The following CSMD1 variants were observed in gnomAD, a reference collection of about 807,000 sequenced individuals.
The protein encoded by CSMD1 is CUB and Sushi multiple domains 1, also known as CUB and sushi domain-containing protein 1.
Under a neutral mutation model 417.5 loss-of-function variants are expected in CSMD1, and 213 were observed. The ratio of observed to expected loss-of-function variants is 0.51; its 90% CI spans 0.46 to 0.57. The LOEUF (loss-of-function observed/expected upper bound fraction) is 0.57, where lower values mean the gene tolerates loss of function less well. Among genes scored for constraint, CSMD1 ranks in the 20% least tolerant of loss-of-function variants. CSMD1 has a pLI of 0.00. For missense variants in CSMD1, 6,923 were observed against 4,529.7 expected (o/e 1.53, Z -15.17); for synonymous variants, 2,862 against 1,736.8 (o/e 1.65, Z -16.11).
chr8:4,619,755 T>G (rs1001595846), intron 2 of CSMD1, among the ~76,000 whole-genome samples: 2 of 152,148 alleles, frequency 1.3e-5, no homozygotes, highest in African/African-American at 2.4e-5. Context: ...GAGGAAGAAC[T>G]TGGAAAACCA....
intron 10 of CSMD1, among the ~76,000 whole-genome samples, chr8:3,540,080 G>A (rs536677441): frequency 2.6e-5 from 4 of 152,172 alleles, no homozygotes; most frequent in African/African-American, 7.2e-5. Context: ...TCATAAATAG[G>A]CTTCTCTGTG....
intron 3 of CSMD1, among the ~76,000 whole-genome samples, chr8:4,351,501 G>A (rs1034032304): frequency 5.3e-5 from 8 of 152,212 alleles, no homozygotes; most frequent in Non-Finnish European, 1.2e-4. Context: ...AGATTAGGAA[G>A]AAAATTGACA....
At chr8:4,328,566 A>T (rs1454159467) in intron 3 of CSMD1, among the ~76,000 whole-genome samples, 1 of 152,104 alleles carries the variant, frequency 6.6e-6, no homozygotes, top group Non-Finnish European at 1.5e-5. Context: ...TACCCACAAC[A>T]ATTTAAAAAA....
At chr8:3,897,259 T>G (rs776270648) in intron 5 of CSMD1, among the ~76,000 whole-genome samples, 2 of 152,186 alleles carry the variant, frequency 1.3e-5, no homozygotes, top group Non-Finnish European at 2.9e-5. Context: ...ACAACGGTCA[T>G]AGTGTGACTA....
chr8:3,543,454 T>G (rs1798528278), intron 10 of CSMD1, among the ~76,000 whole-genome samples: 1 of 152,096 alleles, frequency 6.6e-6, no homozygotes, highest in South Asian at 2.1e-4. Context: ...TAGGAGAGAT[T>G]TGCAATAATC....
intron 3 of CSMD1, among the ~76,000 whole-genome samples, chr8:4,038,556 G>C (rs183580854): frequency 6.6e-6 from 1 of 152,140 alleles, no homozygotes; most frequent in Non-Finnish European, 1.5e-5. Context: ...TTTGCCTGAA[G>C]ATTATGCATG....
intron 5 of CSMD1, among the ~76,000 whole-genome samples, chr8:3,974,995 G>C (rs1045472612): frequency 1.3e-5 from 2 of 152,134 alleles, no homozygotes; most frequent in Non-Finnish European, 2.9e-5. Flanking sequence ...GAATGCTTGA[G>C]TTCTTTGCAG....
At chr8:4,181,406 C>G (rs1403329222) in intron 3 of CSMD1, among the ~76,000 whole-genome samples, 4 of 151,358 alleles carry the variant, frequency 2.6e-5, no homozygotes, top group Non-Finnish European at 2.9e-5. Flanking sequence ...GCAGGGTTCT[C>G]CAATCTTTTG....
chr8:4,576,938 G>C (rs1358556872), intron 2 of CSMD1, among the ~76,000 whole-genome samples: 10 of 152,112 alleles, frequency 6.6e-5, no homozygotes, highest in African/African-American at 2.4e-4. Context: ...TACTTATGTA[G>C]AAATCCTCCA....
At chr8:3,945,773 G>A (rs371110067) in intron 5 of CSMD1, among the ~76,000 whole-genome samples, 26 of 152,212 alleles carry the variant, frequency 1.7e-4, no homozygotes, top group African/African-American at 6.0e-4. Flanking sequence ...CTGGAGATAT[G>A]AAAGTAGATG....
chr8:3,611,856 G>A (rs772775713), intron 8 of CSMD1, among the ~76,000 whole-genome samples: 8 of 151,990 alleles, frequency 5.3e-5, no homozygotes, highest in Non-Finnish European at 1.2e-4. Context: ...TAGGACAGAA[G>A]TTCAGCCAAT....
intron 8 of CSMD1, among the ~76,000 whole-genome samples, chr8:3,614,248 C>G (rs532761109): frequency 1.7e-4 from 26 of 152,150 alleles, no homozygotes; most frequent in African/African-American, 5.8e-4. Context: ...AGGAAAGTGA[C>G]AGATTGAAAT....
At chr8:3,333,237 C>T (rs374443812) in intron 23 of CSMD1, among the ~76,000 whole-genome samples, 2 of 152,106 alleles carry the variant, frequency 1.3e-5, no homozygotes, top group Admixed American at 1.3e-4. Context: ...GAGAGAAGAC[C>T]CAGCCAAGCC....
chr8:4,766,104 A>T (rs1217775213), intron 1 of CSMD1, among the ~76,000 whole-genome samples: 1 of 152,198 alleles, frequency 6.6e-6, no homozygotes, highest in Non-Finnish European at 1.5e-5. Context: ...TACATTAATA[A>T]TATTTTACAG....
intron 3 of CSMD1, among the ~76,000 whole-genome samples, chr8:4,173,286 T>C (rs936461185): frequency 6.6e-6 from 1 of 152,184 alleles, no homozygotes; most frequent in Non-Finnish European, 1.5e-5. Context: ...ATGTTCTTTG[T>C]CTGAGTTCCA....
intron 26 of CSMD1, among the ~76,000 whole-genome samples, chr8:3,247,657 C>A (rs888611514): frequency 6.6e-6 from 1 of 152,264 alleles, no homozygotes; most frequent in Non-Finnish European, 1.5e-5. Flanking sequence ...AAGGCCCCCG[C>A]CCCCAGTTCT....
chr8:4,456,568 G>A (rs1799500966), intron 2 of CSMD1, among the ~76,000 whole-genome samples: 3 of 152,142 alleles, frequency 2.0e-5, no homozygotes, highest in African/African-American at 7.2e-5. Flanking sequence ...ACTGAAAACA[G>A]CCCTGTCTTC....
At chr8:4,553,108 T>C (rs1797941982) in intron 2 of CSMD1, among the ~76,000 whole-genome samples, 2 of 152,234 alleles carry the variant, frequency 1.3e-5, no homozygotes, top group South Asian at 4.1e-4. Flanking sequence ...AAAGATAGTT[T>C]TCGAGGTACC....
intron 36 of CSMD1, among the ~76,000 whole-genome samples, chr8:3,185,585 G>A (rs1821700269): frequency 6.6e-6 from 1 of 152,222 alleles, no homozygotes; most frequent in Admixed American, 6.5e-5. Context: ...TAGGATATAT[G>A]AAATTATTAC....
Sources: allele counts gnomAD v4.1 joint callset (sites outside exome capture counted in the v4.1 genomes callset), GRCh38; gene constraint gnomAD v4.1.1; transcripts MANE v1.5; gene names NCBI Gene and HGNC (gene_info 2026-07-23, HGNC 2026-07-21).